Variants in FAM78B observed in about 807,000 individuals in gnomAD.
FAM78B encodes family with sequence similarity 78 member B, also known as protein FAM78B.
In FAM78B, 10 loss-of-function variants were observed where a neutral mutation model predicts 20.0. That is an observed-to-expected ratio of 0.50 (90% CI 0.31 to 0.85). The LOEUF is 0.85. FAM78B is among the 40% of genes least tolerant of loss of function. The pLI is 0.05. For missense variants in FAM78B, 283 were observed against 345.0 expected, an observed-to-expected ratio of 0.82 and a Z score of 1.42; for synonymous variants, 135 against 132.8, an observed-to-expected ratio of 1.02 and a Z score of -0.12.
At chr1:166,075,539 C>T (rs1458076347) in intron 1 of FAM78B, among the ~76,000 whole-genome samples, 5 of 152,210 alleles carry the variant, frequency 3.3e-5, no homozygotes, top group Non-Finnish European at 7.3e-5. Context: ...TAGTACCTGA[C>T]TGCTGCATTA....
chr1:166,088,964 C>T (rs1652952643), intron 1 of FAM78B, among the ~76,000 whole-genome samples: 1 of 152,214 alleles, frequency 6.6e-6, no homozygotes, highest in African/African-American at 2.4e-5. Flanking sequence ...CCCATGCTCT[C>T]AGTGTTCCAC....
intron 1 of FAM78B, among the ~76,000 whole-genome samples, chr1:166,162,339 C>CTT (rs1656179463): frequency 6.6e-6 from 1 of 152,196 alleles, no homozygotes; most frequent in Non-Finnish European, 1.5e-5. Flanking sequence ...TGAGCTATGA[C>CTT]TTCCTAAAGT....
chr1:166,072,430 A>G (rs1194850830), intron 1 of FAM78B, among the ~76,000 whole-genome samples: 3 of 152,250 alleles, frequency 2.0e-5, no homozygotes, highest in African/African-American at 7.2e-5. Context: ...GACCTGATGC[A>G]GAAAGTCAGA....
chr1:166,137,055 G>T (rs1655091653), intron 1 of FAM78B, among the ~76,000 whole-genome samples: 1 of 152,166 alleles, frequency 6.6e-6, no homozygotes. Context: ...TTTTCCTACA[G>T]ATCTATAGAA....
At chr1:166,085,260 G>C (rs1652779684) in intron 1 of FAM78B, among the ~76,000 whole-genome samples, 1 of 152,166 alleles carries the variant, frequency 6.6e-6, no homozygotes, top group Admixed American at 6.5e-5. Context: ...TCTAATGGCA[G>C]CATATGCATC....
intron 1 of FAM78B, among the ~76,000 whole-genome samples, chr1:166,148,192 T>C (rs1282781643): frequency 6.6e-6 from 1 of 152,232 alleles, no homozygotes; most frequent in Non-Finnish European, 1.5e-5. Context: ...TCAGATGTTT[T>C]AAGGAGTGTC....
downstream of FAM78B, among the ~76,000 whole-genome samples, chr1:166,056,552 C>T (rs1391110951): frequency 1.3e-5 from 2 of 152,170 alleles, no homozygotes; most frequent in Non-Finnish European, 2.9e-5. Flanking sequence ...TGACCATTTA[C>T]GTATACCAAC....
At chr1:166,138,180 C>G (rs1293576479) in intron 1 of FAM78B, among the ~76,000 whole-genome samples, 1 of 152,094 alleles carries the variant, frequency 6.6e-6, no homozygotes, top group East Asian at 1.9e-4. Flanking sequence ...GTTTCTGGGA[C>G]TTCAGTTGGT....
chr1:166,135,032 A>C (rs1050646531), intron 1 of FAM78B, among the ~76,000 whole-genome samples: 5 of 152,246 alleles, frequency 3.3e-5, no homozygotes, highest in African/African-American at 1.2e-4. Context: ...AATTAAATGT[A>C]CAATGAAAAC....
At chr1:166,118,035 C>A (rs1654324171) in intron 1 of FAM78B, among the ~76,000 whole-genome samples, 1 of 152,126 alleles carries the variant, frequency 6.6e-6, no homozygotes. Flanking sequence ...TGAAGCAAAC[C>A]TCATGGACTC....
At chr1:166,114,239 T>C in intron 1 of FAM78B, among the ~76,000 whole-genome samples, 1 of 152,182 alleles carries the variant, frequency 6.6e-6, no homozygotes, top group South Asian at 2.1e-4. Flanking sequence ...CACAAACCTG[T>C]GCAGAACATA....
intron 1 of FAM78B, among the ~76,000 whole-genome samples, chr1:166,077,171 A>C (rs1652307644): frequency 6.6e-6 from 1 of 152,204 alleles, no homozygotes; most frequent in African/African-American, 2.4e-5. Flanking sequence ...GCACAAGAAA[A>C]AAACGAGAAG....
chr1:166,104,096 C>G (rs559138569), intron 1 of FAM78B, among the ~76,000 whole-genome samples: 1 of 152,168 alleles, frequency 6.6e-6, no homozygotes, highest in Admixed American at 6.5e-5. Context: ...GAACCAACAA[C>G]AAAAACCACA....
intron 1 of FAM78B, among the ~76,000 whole-genome samples, chr1:166,098,397 T>G (rs1336235409): frequency 1.3e-5 from 2 of 151,998 alleles, no homozygotes; most frequent in African/African-American, 4.8e-5. Flanking sequence ...AAGAAACACC[T>G]GATTTACCTG....
chr1:166,118,993 G>T (rs1220347501), intron 1 of FAM78B, among the ~76,000 whole-genome samples: 2 of 152,112 alleles, frequency 1.3e-5, no homozygotes, highest in African/African-American at 4.8e-5. Flanking sequence ...ACGCCTGTCT[G>T]CTGGCCACAG....
At chr1:166,165,367 G>T (rs1209473742) in intron 1 of FAM78B, among the ~76,000 whole-genome samples, 1 of 152,184 alleles carries the variant, frequency 6.6e-6, no homozygotes, top group African/African-American at 2.4e-5. Context: ...CACCAGAACT[G>T]GTCCAGGGGG....
intron 1 of FAM78B, among the ~76,000 whole-genome samples, chr1:166,090,431 A>AAAAC (rs1653022310): frequency 6.6e-6 from 1 of 152,180 alleles, no homozygotes; most frequent in African/African-American, 2.4e-5. Context: ...TGAAAAAAAC[A>AAAAC]AAACAGGGGA....
At chr1:166,058,715 G>C (rs1651455468) in exon 3 of FAM78B, 1 of 152,484 alleles carries the variant, frequency 6.6e-6, no homozygotes, top group Non-Finnish European at 1.5e-5. Context: ...CATCTCTATA[G>C]ATCTAGATGG....
chr1:166,073,047 A>G (rs1285503991), intron 1 of FAM78B, among the ~76,000 whole-genome samples: 2 of 152,192 alleles, frequency 1.3e-5, no homozygotes, highest in South Asian at 4.1e-4. Context: ...AAAAACAACA[A>G]CAACAAAACA....
Sources: gnomAD v4.1 joint callset for allele counts (sites outside exome capture counted in the v4.1 genomes callset) on GRCh38, gnomAD v4.1.1 for gene constraint, MANE v1.5 for transcripts, NCBI Gene and HGNC (gene_info 2026-07-23, HGNC 2026-07-21) for gene names.